Variants in MMP26 observed in about 807,000 individuals in gnomAD.
MMP26 encodes the protein matrix metalloproteinase-26.
A neutral mutation model predicts 31.0 loss-of-function variants in MMP26; 33 were observed. The ratio of observed to expected loss-of-function variants is 1.06; its 90% CI spans 0.81 to 1.42. The LOEUF (loss-of-function observed/expected upper bound fraction) is 1.42, where lower values mean the gene tolerates loss of function less well. Among genes scored for constraint, MMP26 ranks in the 40% most tolerant of loss-of-function variants. MMP26 has a pLI of 0.00. For missense variants in MMP26, 347 were observed against 316.1 expected, an observed-to-expected ratio of 1.10 and a Z score of -0.74; for synonymous variants, 122 against 114.9, an observed-to-expected ratio of 1.06 and a Z score of -0.40.
chr11:4,904,608 C>G (rs1441297904), intron 2 of MMP26, among the ~76,000 whole-genome samples: 2 of 152,100 alleles, frequency 1.3e-5, no homozygotes, highest in African/African-American at 4.8e-5. Context: ...TACCACCTAT[C>G]ATGTCAGTAC....
intron 1 of MMP26, chr11:4,723,853 T>C: frequency 4.1e-6 from 6 of 1,458,954 alleles, no homozygotes; most frequent in Non-Finnish European, 4.8e-6. Flanking sequence ...CCGTACCTTG[T>C]CTATGAAGGA....
At chr11:4,777,823 C>A (rs987714252) in intron 2 of MMP26, among the ~76,000 whole-genome samples, 1 of 151,998 alleles carries the variant, frequency 6.6e-6, no homozygotes, top group East Asian at 1.9e-4. Flanking sequence ...CTATACCTCA[C>A]CTTAATTAAC....
chr11:4,781,815 T>G (rs959442121), intron 2 of MMP26, among the ~76,000 whole-genome samples: 1 of 152,116 alleles, frequency 6.6e-6, no homozygotes, highest in Non-Finnish European at 1.5e-5. Context: ...TTTCCCATAC[T>G]GTTCTCATGG....
At chr11:4,857,155 T>G (rs542443213) in intron 2 of MMP26, among the ~76,000 whole-genome samples, 17 of 151,362 alleles carry the variant, frequency 1.1e-4, no homozygotes, top group African/African-American at 3.9e-4. Flanking sequence ...ACATCACAAT[T>G]AAAAGAACTA....
chr11:4,807,118 AT>A (rs1325911280), intron 2 of MMP26, among the ~76,000 whole-genome samples: 1 of 152,060 alleles, frequency 6.6e-6, no homozygotes, highest in Admixed American at 6.6e-5. Context: ...GACTTAAACA[AT>A]TTTTTTTAAT....
At chr11:4,890,129 G>A (rs1210543062) in intron 2 of MMP26, 12 of 152,080 alleles carry the variant, frequency 7.9e-5, no homozygotes, top group Non-Finnish European at 1.8e-4. Context: ...CTTTTAATGA[G>A]AAACAACAGC....
At chr11:4,723,146 T>G (rs1848039572) in intron 1 of MMP26, 1 of 1,599,458 alleles carries the variant, frequency 6.3e-7, no homozygotes, top group Admixed American at 1.7e-5. Flanking sequence ...GTTGGCATCC[T>G]TAATGGCCAG....
rs560340869 is a variant in MMP26 at position 4,942,495 on chromosome 11, C to T, written c.-144-45573C>T. On this transcript the variant is annotated intron_variant, in intron 2 of 7. Coordinates refer to ENST00000380390, the MANE Select transcript of MMP26 (RefSeq NM_021801.5). ...TTATCATTGACCTTTAGGCTTACTG[C>T]TTTTTATTGAGAAAGGGGTTTAAGT... 9.9e-5 allele frequency among the ~76,000 whole-genome samples: 15 copies of T among 152,160 alleles called. No individual in the cohort carries two copies. In the East Asian group the frequency reaches 2.5e-3, roughly 25 times the overall value.
At chr11:4,843,613 C>A (rs1189996566) in intron 2 of MMP26, among the ~76,000 whole-genome samples, 1 of 152,266 alleles carries the variant, frequency 6.6e-6, no homozygotes, top group African/African-American at 2.4e-5. Context: ...AAAACCACTT[C>A]TCCCTCCTTG....
chr11:4,857,629 C>T (rs1449154011), intron 2 of MMP26, among the ~76,000 whole-genome samples: 1 of 152,114 alleles, frequency 6.6e-6, no homozygotes. Context: ...GATTCACAGC[C>T]GAATTCTACC....
chr11:4,871,466 C>G (rs183418066), intron 2 of MMP26, among the ~76,000 whole-genome samples: 211 of 152,064 alleles, frequency 1.4e-3, no homozygotes, highest in African/African-American at 5.0e-3. Context: ...TCATATAGGA[C>G]TGAGAATAAT....
At chr11:4,936,854 C>T (rs935496418) in intron 2 of MMP26, among the ~76,000 whole-genome samples, 1 of 152,032 alleles carries the variant, frequency 6.6e-6, no homozygotes, top group Non-Finnish European at 1.5e-5. Context: ...ATAGCTTTTG[C>T]AGTTTGAATT....
At chr11:4,785,849 C>T (rs911954528) in intron 2 of MMP26, among the ~76,000 whole-genome samples, 6 of 152,130 alleles carry the variant, frequency 3.9e-5, no homozygotes, top group African/African-American at 1.4e-4. Flanking sequence ...GTTTTAGTAT[C>T]CTCTACTGTC....
rs71050433 is a variant in MMP26, at chr11:4,819,566, A to ATTTTTT, written c.-145+52250_-145+52255dup. On this transcript the variant is annotated intron_variant, in intron 2 of 7. Coordinates refer to ENST00000380390, the MANE Select transcript of MMP26 (RefSeq NM_021801.5). The stretch of plus-strand genomic sequence containing the variant: ...GATGGTCACTGAAATGAGTCGACTG[A>ATTTTTT]TTTTTTTTTTTTTTTTTTTTTTTTT... Among the ~76,000 whole-genome samples the ATTTTTT allele has an allele frequency of 3.8e-3, 189 of 50,296 alleles. 25 individuals carry two copies. The highest frequency in any genetic ancestry group is 1.0e-2 in the South Asian group (9 of 904). The allele number at this position is 50,296 out of a possible 152,430, so 33.0% of individuals were successfully genotyped here.
intron 2 of MMP26, among the ~76,000 whole-genome samples, chr11:4,849,843 A>G (rs1034162375): frequency 6.6e-6 from 1 of 152,114 alleles, no homozygotes; most frequent in African/African-American, 2.4e-5. Flanking sequence ...TGGGTATTTA[A>G]AATTTTTATT....
intron 2 of MMP26, chr11:4,945,345 A>G (rs1846278570): frequency 1.3e-5 from 2 of 152,212 alleles, no homozygotes; most frequent in Admixed American, 6.5e-5. Context: ...CTGTAAATTC[A>G]AAAACTGTTC....
At chr11:4,835,227 CACACACAT>C (rs1203563671) in intron 2 of MMP26, among the ~76,000 whole-genome samples, 1 of 151,654 alleles carries the variant, frequency 6.6e-6, no homozygotes, top group East Asian at 1.9e-4. Flanking sequence ...CACACACACA[CACACACAT>C]ACACACACGA....
At chr11:4,968,029 T>A (rs1445978496) in intron 2 of MMP26, among the ~76,000 whole-genome samples, 2 of 152,152 alleles carry the variant, frequency 1.3e-5, no homozygotes, top group African/African-American at 4.8e-5. Context: ...CCATGTAATA[T>A]ATTTTGTTTT....
intron 2 of MMP26, among the ~76,000 whole-genome samples, chr11:4,884,826 T>A (rs1850527247): frequency 6.6e-6 from 1 of 152,164 alleles, no homozygotes; most frequent in South Asian, 2.1e-4. Context: ...TAGAAACTTG[T>A]GTGAACATAT....
Sources: gnomAD v4.1 joint callset for allele counts (sites outside exome capture counted in the v4.1 genomes callset) on GRCh38, gnomAD v4.1.1 for gene constraint, MANE v1.5 for transcripts, NCBI Gene and HGNC (gene_info 2026-07-23, HGNC 2026-07-21) for gene names.